LAMC1: variants seen among roughly 807,000 people sequenced by gnomAD.
The protein encoded by LAMC1 is laminin subunit gamma 1.
In LAMC1, 38 loss-of-function variants were observed where a neutral mutation model predicts 173.6. The ratio of observed to expected loss-of-function variants is 0.22; its 90% confidence interval spans 0.17 to 0.29. The LOEUF (loss-of-function observed/expected upper bound fraction) is 0.29. Among genes scored for constraint, LAMC1 ranks in the 10% least tolerant of loss-of-function variants. The pLI, the probability that LAMC1 is intolerant of heterozygous loss-of-function variation, is 1.00. For synonymous variants in LAMC1, 746 were observed against 749.1 expected, an observed-to-expected ratio of 1.00 and a Z score of 0.07; for missense variants, 1,824 against 2,051.8, an observed-to-expected ratio of 0.89 and a Z score of 2.14.
chr1:183,090,814 G>C (rs568830200), intron 1 of LAMC1, among the ~76,000 whole-genome samples: 2 of 152,136 alleles, frequency 1.3e-5, no homozygotes, highest in South Asian at 2.1e-4. Flanking sequence ...CTGCCTGGTG[G>C]GGGGAGGGTG....
At chr1:183,116,455 C>T (rs1168290828) in intron 6 of LAMC1, 122 bp from the exon 7 acceptor site, 80 of 629,970 alleles carry the variant, frequency 1.3e-4, no homozygotes, top group Middle Eastern at 3.9e-4. Flanking sequence ...CCATCCTGGG[C>T]GACAGTGTGA....
chr1:183,143,805 G>A lies in LAMC1; in HGVS notation c.*1015G>A, dbSNP rs186551648. The A allele has an allele frequency of 6.6e-6, 1 of 152,292 alleles. No individual in the cohort carries two copies. Among genetic ancestry groups the A allele is most frequent in the East Asian group, 1.9e-4 (1 of 5,184 alleles). The allele number at this position is 152,292 out of a possible 1,614,324, so 9.4% of individuals were successfully genotyped here. ...AGGGATAAAACTTAGATGGCAGCTT[G>A]TACTGTCAGAATCCCGTGTATCCAT... On this transcript the variant is annotated 3_prime_UTR_variant, in exon 28 of 28. Transcript: ENST00000258341.
chr1:183,109,132 C>T (rs1656070748), intron 3 of LAMC1, among the ~76,000 whole-genome samples: 1 of 152,180 alleles, frequency 6.6e-6, no homozygotes, highest in South Asian at 2.1e-4. Flanking sequence ...GGACTTACCT[C>T]CCCTGTGTTA....
At chr1:183,060,141 ACCC>A (rs1654704693) in intron 1 of LAMC1, among the ~76,000 whole-genome samples, 1 of 152,072 alleles carries the variant, frequency 6.6e-6, no homozygotes, top group Non-Finnish European at 1.5e-5. Flanking sequence ...CTTAGAAATC[ACCC>A]TTGGCCCCTC....
chr1:183,042,239 C>G (rs1654155459), intron 1 of LAMC1, among the ~76,000 whole-genome samples: 1 of 152,100 alleles, frequency 6.6e-6, no homozygotes, highest in Admixed American at 6.5e-5. Context: ...GGGTATCATT[C>G]TTATGTGCCT....
At position 183,121,713 on chromosome 1, in the gene LAMC1, C is replaced by G. The variant is rs374095574; in HGVS notation, c.1991-10C>G. 1 of 1,609,440 alleles carries G rather than the reference C, an allele frequency of 6.2e-7. No homozygotes were observed. The highest frequency in any genetic ancestry group is 1.1e-5 in the South Asian group (1 of 90,414). ...CAGTTCAGTGATTTTCTTTTCCTCACTATACACAGGTGCTGGATATTTGGA... is the reference window on the plus strand; with the variant it reads ...CAGTTCAGTGATTTTCTTTTCCTCAGTATACACAGGTGCTGGATATTTGGA... On this transcript the variant is annotated splice_polypyrimidine_tract_variant and intron_variant, in intron 11 of 27. Transcript: ENST00000258341.
intron 1 of LAMC1, among the ~76,000 whole-genome samples, chr1:183,044,943 A>G (rs1011195368): frequency 2.0e-5 from 3 of 151,560 alleles, no homozygotes; most frequent in African/African-American, 7.3e-5. Context: ...AAAAAAAAAG[A>G]TCCACTAAAG....
At chr1:183,024,204 A>C in intron 1 of LAMC1, 70 bp downstream of exon 1, 1 of 1,440,142 alleles carries the variant, frequency 6.9e-7, no homozygotes, top group South Asian at 1.4e-5. Flanking sequence ...GCTCCGTCCC[A>C]GTGGCCGGCC....
chr1:183,024,362 C>T (rs1037736046), intron 1 of LAMC1, among the ~76,000 whole-genome samples: 3 of 152,236 alleles, frequency 2.0e-5, no homozygotes, highest in African/African-American at 7.2e-5. Context: ...CTTTCCTGTT[C>T]TTTCTGACTT....
chr1:183,122,587 C>A (rs879804775), intron 13 of LAMC1, among the ~76,000 whole-genome samples: 5 of 152,114 alleles, frequency 3.3e-5, no homozygotes, highest in Admixed American at 6.5e-5. Flanking sequence ...CCTGAGCTAC[C>A]TACTTGCCAT....
intron 25 of LAMC1, 91 bp from the exon 26 acceptor site, chr1:183,137,578 A>T: frequency 1.5e-6 from 1 of 666,122 alleles, no homozygotes; most frequent in Non-Finnish European, 2.3e-6. Context: ...TTATATTTTT[A>T]AGACATTTTA....
intron 1 of LAMC1, among the ~76,000 whole-genome samples, chr1:183,042,714 T>C (rs1654168086): frequency 6.6e-6 from 1 of 152,142 alleles, no homozygotes; most frequent in African/African-American, 2.4e-5. Flanking sequence ...GAAGAAAGGG[T>C]GTGTACTCAT....
Position 183,114,664 on chromosome 1 carries a change from C to T in LAMC1, c.1155C>T (p.Asn385=), listed in dbSNP as rs994040238. Residue 385 remains asparagine, a synonymous_variant, in exon 5 of 28, where the codon AAC becomes AAT. Coordinates refer to ENST00000258341, the MANE Select transcript of LAMC1 (RefSeq NM_002293.4). ...CCCACTGTGAGAGGTGCCGAGAGAA[C>T]TTCTTCCGCCTTGGCAACAATGAAG... is the stretch of plus-strand genomic sequence containing the variant. ...DGAHCERCRE[N]FFRLGNNEAC... 6.2e-7 allele frequency: 1 copy of T among 1,614,090 alleles called. No homozygotes were observed. Among genetic ancestry groups the T allele is most frequent in the African/African-American group, 1.3e-5 (1 of 74,922 alleles).
At chr1:183,086,263 T>A (rs2151669) in intron 1 of LAMC1, among the ~76,000 whole-genome samples, 2 of 152,064 alleles carry the variant, frequency 1.3e-5, no homozygotes, top group Admixed American at 6.5e-5. Flanking sequence ...ATTATAATCC[T>A]CCTACATGCA....
chr1:183,139,499 C>G (rs12085270), intron 26 of LAMC1, among the ~76,000 whole-genome samples: 3,484 of 152,250 alleles, frequency 0.023, 145 homozygotes, highest in African/African-American at 0.076. Context: ...TGTGGATGCT[C>G]AATAAGGACA....
chr1:183,039,146 A>G (rs889020792), intron 1 of LAMC1, among the ~76,000 whole-genome samples: 2 of 151,960 alleles, frequency 1.3e-5, no homozygotes, highest in Non-Finnish European at 2.9e-5. Context: ...AAGTTTAAAG[A>G]ATTTTTTCTA....
At position 183,065,695 on chromosome 1, in the gene LAMC1, A is replaced by T. The variant is rs535699694; in HGVS notation, c.419-37633A>T. 3.9e-5 allele frequency among the ~76,000 whole-genome samples: 6 copies of T among 152,354 alleles called. No individual in the cohort carries two copies. The South Asian group carries it at 1.2e-3, about 32-fold the overall frequency. On this transcript the variant is annotated intron_variant, in intron 1 of 27. Coordinates refer to ENST00000258341, the MANE Select transcript of LAMC1 (RefSeq NM_002293.4). The stretch of plus-strand genomic sequence containing the variant: ...AATTGTCACGTGTATATTTTTGATT[A>T]TAATTTTTGAAACATTAATATTTTA...
At chr1:183,106,925 G>C (rs1024764693) in intron 2 of LAMC1, among the ~76,000 whole-genome samples, 1 of 152,180 alleles carries the variant, frequency 6.6e-6, no homozygotes, top group Non-Finnish European at 1.5e-5. Context: ...GCTGAAACCA[G>C]TCACACACCC....
At chr1:183,082,988 A>T (rs1175481124) in intron 1 of LAMC1, among the ~76,000 whole-genome samples, 1 of 152,210 alleles carries the variant, frequency 6.6e-6, no homozygotes, top group African/African-American at 2.4e-5. Context: ...GAAGTTAGTG[A>T]AATGCTCATG....
Sources: allele counts gnomAD v4.1 joint callset (sites outside exome capture counted in the v4.1 genomes callset), GRCh38; gene constraint gnomAD v4.1.1; transcripts MANE v1.5; gene names NCBI Gene and HGNC (gene_info 2026-07-23, HGNC 2026-07-21).